Variants in AMZ2 observed in about 807,000 individuals in gnomAD.
AMZ2 encodes archaelysin family metallopeptidase 2.
Under a neutral mutation model 36.7 loss-of-function variants are expected in AMZ2, and 26 were observed. That is an observed-to-expected ratio of 0.71 (90% CI 0.52 to 0.98). The LOEUF is 0.98. AMZ2 is among the 50% of genes least tolerant of loss of function. AMZ2 has a pLI of 0.00. For synonymous variants in AMZ2, 144 were observed against 149.1 expected (o/e 0.97, Z 0.25); for missense variants, 394 against 430.5 (o/e 0.92, Z 0.75).
chr17:68,224,170 T>G (rs1410236087), intron 1 of AMZ2, among the ~76,000 whole-genome samples: 1 of 152,206 alleles, frequency 6.6e-6, no homozygotes, highest in Non-Finnish European at 1.5e-5. Context: ...CTCGAACTCC[T>G]GACCTCAGGT....
chr17:68,253,029 G>T (rs1231099548), intron 4 of AMZ2, among the ~76,000 whole-genome samples: 6 of 152,122 alleles, frequency 3.9e-5, no homozygotes, highest in African/African-American at 1.2e-4. Flanking sequence ...TAACACAGTG[G>T]TCTTGTTTTC....
chr17:68,208,723 A>G (rs563366526), intron 1 of AMZ2, among the ~76,000 whole-genome samples: 1 of 152,160 alleles, frequency 6.6e-6, no homozygotes, highest in East Asian at 1.9e-4. Context: ...TGTAATACTC[A>G]CCGCGACGGT....
At chr17:68,256,694 CA>C (rs2074930944) in intron 6 of AMZ2, 119 bp from the exon 7 acceptor site, 1 of 971,466 alleles carries the variant, frequency 1.0e-6, no homozygotes, top group Admixed American at 3.0e-5. Context: ...CCATCATTAT[CA>C]AATGCAGCGT....
chr17:68,257,057 T>C lies in AMZ2; in HGVS notation c.*88T>C, dbSNP rs2074963472. ...GGAATACTTCATTGGAATAAACTAC[T>C]GATCTTGTGCTGTGTCAAAGTAACA... On this transcript the variant is annotated 3_prime_UTR_variant, in exon 7 of 7. Coordinates refer to ENST00000359904, the MANE Select transcript of AMZ2 (RefSeq NM_016627.5). 7.1e-7 allele frequency: 1 copy of C among 1,402,370 alleles called. No homozygotes were observed. Among genetic ancestry groups the C allele is most frequent in the Admixed American group, 2.0e-5 (1 of 50,968 alleles). 86.9% of individuals were successfully genotyped at this position (1,402,370 alleles called of 1,614,324 possible).
intron 1 of AMZ2, among the ~76,000 whole-genome samples, chr17:68,230,774 C>G (rs2144597077): frequency 6.6e-6 from 1 of 152,258 alleles, no homozygotes; most frequent in Non-Finnish European, 1.5e-5. Flanking sequence ...AGCACTTCCC[C>G]TGGCATTGGC....
At chr17:68,238,484 C>A (rs12450487) in intron 1 of AMZ2, among the ~76,000 whole-genome samples, 22,786 of 151,966 alleles carry the variant, frequency 0.15, 1,838 homozygotes, top group East Asian at 0.3. Flanking sequence ...AGGTAAAAAC[C>A]AAAATCTGCT....
intron 1 of AMZ2, among the ~76,000 whole-genome samples, chr17:68,237,875 C>A (rs753760024): frequency 6.6e-6 from 1 of 152,114 alleles, no homozygotes. Context: ...CGGCTGTTCC[C>A]TCCCCCAGAA....
intron 1 of AMZ2, among the ~76,000 whole-genome samples, chr17:68,229,379 T>C (rs1482979305): frequency 6.6e-6 from 1 of 152,210 alleles, no homozygotes; most frequent in Non-Finnish European, 1.5e-5. Context: ...AGGGAGTTCC[T>C]GCTCAGTCCC....
At chr17:68,244,136 G>A (rs113317814), upstream of AMZ2, among the ~76,000 whole-genome samples, 160 of 152,286 alleles carry the variant, frequency 1.1e-3, no homozygotes, top group African/African-American at 3.6e-3. Context: ...AAAATGGAAG[G>A]CTAGAATGAA....
intron 1 of AMZ2, among the ~76,000 whole-genome samples, chr17:68,217,956 G>A (rs2144523188): frequency 6.6e-6 from 1 of 152,040 alleles, no homozygotes; most frequent in Middle Eastern, 3.4e-3. Flanking sequence ...GGGACTACAG[G>A]CGCCCGCCAT....
chr17:68,227,091 A>C (rs1555730096), intron 1 of AMZ2, among the ~76,000 whole-genome samples: 1 of 151,866 alleles, frequency 6.6e-6, no homozygotes, highest in Non-Finnish European at 1.5e-5. Context: ...CCTTGTGTAC[A>C]TAATAACATT....
chr17:68,237,383 C>T lies in AMZ2; in HGVS notation c.-66-11257C>T, dbSNP rs568621683. ...GCTTTTCTATTCTAAGTGTGTCCTT[C>T]GTTACGCTGATGCAAGTTGGCATTT... On this transcript the variant is annotated intron_variant, in intron 1 of 7. Coordinates refer to the AMZ2 transcript ENST00000674770. Among the ~76,000 whole-genome samples the T allele has an allele frequency of 7.2e-5, 11 of 152,316 alleles. 1 individual carries two copies. The highest frequency in any genetic ancestry group is 6.2e-4 in the South Asian group (3 of 4,830).
At position 68,228,550 on chromosome 17, in the gene AMZ2, C is replaced by T. The variant is rs539193561; in HGVS notation, c.-66-20090C>T. ...CCTCCTTGGGAGGCTGCGGAAGCCT[C>T]GTGGGCCTTCTCCAGCCAGCCACTC... On this transcript the variant is annotated intron_variant, in intron 1 of 7. Transcript: ENST00000674770. Among the ~76,000 whole-genome samples the T allele has an allele frequency of 7.2e-5, 11 of 152,302 alleles. No individual in the cohort carries two copies. In the East Asian group the frequency reaches 1.4e-3, roughly 19 times the overall value.
intron 1 of AMZ2, among the ~76,000 whole-genome samples, chr17:68,212,885 G>A (rs1418934253): frequency 1.3e-5 from 2 of 152,066 alleles, no homozygotes; most frequent in Non-Finnish European, 2.9e-5. Flanking sequence ...TCCTTTTACT[G>A]TGTCTGTGGT....
In AMZ2 at chr17:68,257,147, G is replaced by A. The variant is rs2074967100; in HGVS notation, c.*178G>A. The stretch of plus-strand genomic sequence containing the variant: ...CTCATTTTGAATAATAAAAACTCTA[G>A]AAACTCTTTATCTTCTCATCTTACT... On this transcript the variant is annotated 3_prime_UTR_variant, in exon 7 of 7. Coordinates refer to ENST00000359904, the MANE Select transcript of AMZ2 (RefSeq NM_016627.5). The A allele has an allele frequency of 1.7e-6, 1 of 582,756 alleles. No homozygotes were observed. The highest frequency in any genetic ancestry group is 2.8e-6 in the Non-Finnish European group (1 of 353,296). 36.1% of individuals were successfully genotyped at this position (582,756 alleles called of 1,614,324 possible). A position where few individuals can be genotyped will look rare whatever the true frequency, so the allele number is the denominator to read the frequency against.
At chr17:68,227,389 G>T in intron 1 of AMZ2, among the ~76,000 whole-genome samples, 1 of 152,220 alleles carries the variant, frequency 6.6e-6, no homozygotes, top group East Asian at 1.9e-4. Flanking sequence ...GGATTTGTGG[G>T]ATGGCCAGTG....
At chr17:68,239,806 A>G (rs2073864900) in intron 1 of AMZ2, among the ~76,000 whole-genome samples, 1 of 149,258 alleles carries the variant, frequency 6.7e-6, no homozygotes, top group South Asian at 2.1e-4. Flanking sequence ...AGAACCCCCC[A>G]CCAGTTTTTT....
In AMZ2 at chr17:68,227,817, CAT is replaced by C. The variant is rs782783611; in HGVS notation, c.-66-20821_-66-20820del. On this transcript the variant is annotated intron_variant, in intron 1 of 7. Coordinates refer to the AMZ2 transcript ENST00000674770. ...AGGAATTGAAGATTATGCTGGGCAA[CAT>C]AGTAAGACCCCGTCTCTACAAAATA... 2.6e-5 allele frequency among the ~76,000 whole-genome samples: 4 copies of C among 152,286 alleles called. No individual in the cohort carries two copies. The East Asian group carries it at 5.8e-4, about 22-fold the overall frequency.
At chr17:68,252,373 G>A (rs8077152) in intron 4 of AMZ2, among the ~76,000 whole-genome samples, 139,322 of 152,314 alleles carry the variant, frequency 0.91, 63,889 homozygotes, top group East Asian at 1. Flanking sequence ...GGCCCTACCA[G>A]CATGCACTCT....
Sources: gnomAD v4.1 joint callset for allele counts (sites outside exome capture counted in the v4.1 genomes callset) on GRCh38, gnomAD v4.1.1 for gene constraint, MANE v1.5 for transcripts, NCBI Gene and HGNC (gene_info 2026-07-23, HGNC 2026-07-21) for gene names.